SMIM13: variants seen among roughly 807,000 people sequenced by gnomAD.
SMIM13 encodes the protein UPF0766 protein C6orf228.
A neutral mutation model predicts 5.9 loss-of-function variants in SMIM13; 3 were observed. The ratio of observed to expected loss-of-function variants is 0.51; its 90% CI spans 0.23 to 1.31. The LOEUF is 1.31. SMIM13 is among the 40% of genes most tolerant of loss of function. The pLI is 0.18. For missense variants in SMIM13, 85 were observed against 109.9 expected, an observed-to-expected ratio of 0.77 and a Z score of 1.01; for synonymous variants, 55 against 46.0, an observed-to-expected ratio of 1.19 and a Z score of -0.79.
chr6:11,105,511 G>A (rs1484831124), intron 1 of SMIM13: 1 of 559,866 alleles, frequency 1.8e-6, no homozygotes, highest in Non-Finnish European at 3.3e-6. Context: ...AGATCTTCCA[G>A]TGCCTTGCAA....
intron 1 of SMIM13, among the ~76,000 whole-genome samples, chr6:11,127,320 G>A (rs528442654): frequency 3.3e-5 from 5 of 152,170 alleles, no homozygotes; most frequent in Non-Finnish European, 7.4e-5. Flanking sequence ...AGCTAAGCTG[G>A]CACCGAAGCT....
At chr6:11,097,264 C>T (rs1221962199) in intron 1 of SMIM13, among the ~76,000 whole-genome samples, 1 of 152,236 alleles carries the variant, frequency 6.6e-6, no homozygotes, top group East Asian at 1.9e-4. Context: ...CACATAGTCT[C>T]TCCTTTGTGT....
At chr6:11,110,649 A>G (rs1486989103) in intron 1 of SMIM13, among the ~76,000 whole-genome samples, 2 of 152,228 alleles carry the variant, frequency 1.3e-5, no homozygotes, top group Non-Finnish European at 2.9e-5. Context: ...TTAACGAGGT[A>G]GAACAATCCC....
intron 1 of SMIM13, among the ~76,000 whole-genome samples, chr6:11,115,253 C>T (rs6456870): frequency 0.19 from 28,853 of 152,146 alleles, 3,114 homozygotes; most frequent in African/African-American, 0.29. Flanking sequence ...CTTAAGACAA[C>T]GCACAGTTAT....
In SMIM13 at chr6:11,100,982, G is replaced by T. The variant is rs76708452; in HGVS notation, c.76+6593G>T. Among the ~76,000 whole-genome samples, 295 of 145,594 alleles carry T rather than the reference G, an allele frequency of 2.0e-3. 3 individuals are homozygous for T. Among genetic ancestry groups the T allele is most frequent in the African/African-American group, 6.7e-3 (266 of 39,638 alleles). The stretch of plus-strand genomic sequence containing the variant: ...TTCAGTTCAGATTTTTTCCTCATTT[G>T]TGGAGAAATTTTCTACTAGATTTGT... On this transcript the variant is annotated intron_variant, in intron 1 of 1. Transcript: ENST00000416247.
intron 1 of SMIM13, chr6:11,105,349 A>G (rs750507328): frequency 1.1e-4 from 163 of 1,488,778 alleles, no homozygotes; most frequent in East Asian, 1.4e-4. Context: ...CGAGCTGCCA[A>G]TGGAACTCCT....
chr6:11,112,836 C>T (rs1758188205), intron 1 of SMIM13, among the ~76,000 whole-genome samples: 1 of 151,928 alleles, frequency 6.6e-6, no homozygotes, highest in Non-Finnish European at 1.5e-5. Context: ...GAGATGGGGT[C>T]TTGCTCTGTC....
chr6:11,100,966 G>T (rs1430585197), intron 1 of SMIM13, among the ~76,000 whole-genome samples: 3 of 148,530 alleles, frequency 2.0e-5, no homozygotes, highest in South Asian at 2.1e-4. Context: ...CTTCAGTTCA[G>T]ATTTTTTCCT....
At chr6:11,096,825 G>C (rs929932206) in intron 1 of SMIM13, among the ~76,000 whole-genome samples, 2 of 152,044 alleles carry the variant, frequency 1.3e-5, no homozygotes, top group Non-Finnish European at 2.9e-5. Flanking sequence ...TCAGCCTCCT[G>C]AGTAGCTGGG....
chr6:11,103,749 T>G, intron 1 of SMIM13: 1 of 1,551,680 alleles, frequency 6.4e-7, no homozygotes, highest in South Asian at 1.2e-5. Flanking sequence ...GAGATTCGTC[T>G]GGAGCTTTAT....
intron 1 of SMIM13, among the ~76,000 whole-genome samples, chr6:11,115,434 A>T (rs551893970): frequency 6.6e-6 from 1 of 152,250 alleles, no homozygotes; most frequent in East Asian, 1.9e-4. Flanking sequence ...CTGAGGACTC[A>T]AGGTGGCTCA....
At chr6:11,112,172 GC>G (rs1758176672) in intron 1 of SMIM13, among the ~76,000 whole-genome samples, 1 of 151,982 alleles carries the variant, frequency 6.6e-6, no homozygotes, top group African/African-American at 2.4e-5. Flanking sequence ...TGAGCTGGGG[GC>G]CCTCTCCTGC....
intron 1 of SMIM13, chr6:11,104,627 A>C (rs1396094042): frequency 6.2e-7 from 1 of 1,614,206 alleles, no homozygotes; most frequent in South Asian, 1.1e-5. Flanking sequence ...GGTCCAATAG[A>C]ACCCATTCCG....
At chr6:11,122,756 A>T (rs565193840) in intron 1 of SMIM13, among the ~76,000 whole-genome samples, 1 of 152,192 alleles carries the variant, frequency 6.6e-6, no homozygotes, top group African/African-American at 2.4e-5. Flanking sequence ...GTTAGACATT[A>T]TCTAACAAAA....
Position 11,096,911 on chromosome 6 carries a change from G to T in SMIM13, c.76+2522G>T, listed in dbSNP as rs111423515. 7.8e-3 allele frequency among the ~76,000 whole-genome samples: 1,193 copies of T among 152,254 alleles called. 16 individuals are homozygous for T. Among genetic ancestry groups the T allele is most frequent in the African/African-American group, 0.028 (1,147 of 41,570 alleles). ...TCTCCATGTTGGCCAGGTTGGTCTC[G>T]AACTCCCAACCTCAGGTGATCCACC... On this transcript the variant is annotated intron_variant, in intron 1 of 1. Coordinates refer to ENST00000416247, the MANE Select transcript of SMIM13 (RefSeq NM_001135575.2).
At chr6:11,112,939 C>T (rs1758189293) in intron 1 of SMIM13, among the ~76,000 whole-genome samples, 1 of 152,096 alleles carries the variant, frequency 6.6e-6, no homozygotes. Flanking sequence ...TCCCAAGTAG[C>T]TGGGATTATA....
At chr6:11,123,373 C>T (rs981628705) in intron 1 of SMIM13, among the ~76,000 whole-genome samples, 1 of 152,196 alleles carries the variant, frequency 6.6e-6, no homozygotes, top group Admixed American at 6.5e-5. Context: ...TAGTAAATTC[C>T]CCTTTTTTTG....
intron 1 of SMIM13, chr6:11,105,593 G>C (rs1758073645): frequency 5.3e-6 from 2 of 378,700 alleles, no homozygotes; most frequent in Non-Finnish European, 1.0e-5. Context: ...TCACTTGGGT[G>C]TGATGGATCT....
intron 1 of SMIM13, among the ~76,000 whole-genome samples, chr6:11,130,269 ACAAC>A (rs1318363331): frequency 1.3e-4 from 16 of 122,768 alleles, no homozygotes; most frequent in South Asian, 2.9e-4. Flanking sequence ...AAAAAAAAAA[ACAAC>A]AACAACAACA....
Sources: allele counts gnomAD v4.1 joint callset (sites outside exome capture counted in the v4.1 genomes callset), GRCh38; gene constraint gnomAD v4.1.1; transcripts MANE v1.5; gene names NCBI Gene and HGNC (gene_info 2026-07-23, HGNC 2026-07-21).